Variants in HEG1 observed in about 807,000 individuals in gnomAD.
HEG1 encodes protein HEG homolog 1.
A neutral mutation model predicts 125.6 loss-of-function variants in HEG1; 56 were observed. The observed-to-expected ratio is 0.45, with a 90% CI of 0.36 to 0.56. HEG1 has a LOEUF of 0.56. Ranked by LOEUF, HEG1 falls within the 20% of genes least tolerant of loss-of-function variation. The pLI, the probability that HEG1 is intolerant of heterozygous loss-of-function variation, is 0.00. For synonymous variants in HEG1, 644 were observed against 668.5 expected (o/e 0.96, Z 0.57); for missense variants, 1,523 against 1,670.0 (o/e 0.91, Z 1.53).
chr3:125,018,771 T>A (rs984710820), intron 5 of HEG1, among the ~76,000 whole-genome samples: 4 of 150,954 alleles, frequency 2.6e-5, no homozygotes, highest in African/African-American at 9.8e-5. Flanking sequence ...CTGGGGGATA[T>A]ATAGGTGTAT....
chr3:125,044,017 G>C (rs963880584), intron 1 of HEG1, among the ~76,000 whole-genome samples: 1 of 152,274 alleles, frequency 6.6e-6, no homozygotes, highest in African/African-American at 2.4e-5. Context: ...TAATTTACTC[G>C]ACAGACCTCT....
intron 3 of HEG1, among the ~76,000 whole-genome samples, chr3:125,025,354 A>G (rs1042526924): frequency 5.3e-5 from 8 of 152,214 alleles, no homozygotes; most frequent in Admixed American, 1.3e-4. Context: ...CAGCACCCAG[A>G]GCCATCTCTA....
intron 1 of HEG1, among the ~76,000 whole-genome samples, chr3:125,053,452 T>C (rs1937860279): frequency 6.6e-6 from 1 of 152,202 alleles, no homozygotes; most frequent in Non-Finnish European, 1.5e-5. Context: ...TATGAGTAGC[T>C]TCTAGCAGCT....
chr3:124,982,363 A>G (rs1271912441), intron 14 of HEG1, among the ~76,000 whole-genome samples: 2 of 152,238 alleles, frequency 1.3e-5, no homozygotes, highest in Admixed American at 6.5e-5. Flanking sequence ...ATGGATTTGA[A>G]TAAGTGCCAA....
At chr3:125,034,964 CA>C (rs1207480943) in intron 1 of HEG1, among the ~76,000 whole-genome samples, 2 of 152,042 alleles carry the variant, frequency 1.3e-5, no homozygotes, top group African/African-American at 4.8e-5. Context: ...GAAGTGAAAA[CA>C]TTGATTTAAT....
intron 16 of HEG1, chr3:124,971,007 A>G: frequency 1.6e-6 from 1 of 627,636 alleles, no homozygotes; most frequent in East Asian, 3.0e-5. Context: ...CCCAGCAACC[A>G]TGCAGAAGGC....
chr3:125,050,707 G>T (rs1185196456), intron 1 of HEG1, among the ~76,000 whole-genome samples: 1 of 152,086 alleles, frequency 6.6e-6, no homozygotes, highest in Non-Finnish European at 1.5e-5. Context: ...TGTTCCCTGG[G>T]GGCATCACAG....
chr3:124,987,952 C>CACACACACACACATATAT lies in HEG1; in HGVS notation c.3733+2834_3733+2835insATATATGTGTGTGTGTGT. ...ACACACACACACACACACACACACA[C>CACACACACACACATATAT]ATATATATATATATATATATATACC... On this transcript the variant is annotated intron_variant, in intron 14 of 16. Coordinates refer to ENST00000311127, the MANE Select transcript of HEG1 (RefSeq NM_020733.2). 1.0e-3 allele frequency among the ~76,000 whole-genome samples: 56 copies of CACACACACACACATATAT among 54,696 alleles called. 2 individuals carry two copies. The highest frequency in any genetic ancestry group is 2.1e-3 in the African/African-American group (45 of 21,026). The allele number at this position is 54,696 out of a possible 152,430, so 35.9% of individuals were successfully genotyped here. A position where few individuals can be genotyped will look rare whatever the true frequency, so the allele number is the denominator to read the frequency against.
At chr3:125,011,946 C>T (rs1240745974) in intron 6 of HEG1, among the ~76,000 whole-genome samples, 4 of 152,166 alleles carry the variant, frequency 2.6e-5, no homozygotes, top group African/African-American at 7.2e-5. Flanking sequence ...GCAACTTCAA[C>T]GTGGCTACAA....
intron 1 of HEG1, among the ~76,000 whole-genome samples, chr3:125,055,359 T>G (rs1426967056): frequency 6.6e-6 from 1 of 151,808 alleles, no homozygotes; most frequent in African/African-American, 2.4e-5. Flanking sequence ...TTCCAAAGGG[T>G]TGGAGGAGAA....
intron 11 of HEG1, among the ~76,000 whole-genome samples, chr3:124,998,388 G>A (rs974510617): frequency 2.6e-5 from 4 of 152,198 alleles, no homozygotes; most frequent in African/African-American, 9.6e-5. Context: ...ACAAGAGACT[G>A]GTGATGAGGA....
intron 1 of HEG1, among the ~76,000 whole-genome samples, chr3:125,049,124 T>A (rs1041894986): frequency 7.9e-5 from 12 of 151,874 alleles, no homozygotes; most frequent in African/African-American, 2.9e-4. Flanking sequence ...CTTTTAGGAG[T>A]CCCACTAAAC....
rs1560011800 is a variant in HEG1 at position 124,969,936 on chromosome 3, CAA to C, written c.*714_*715del. The C allele has an allele frequency of 2.0e-5, 3 of 152,088 alleles. No homozygotes were observed. In the East Asian group the frequency reaches 5.8e-4, roughly 29 times the overall value. The allele number at this position is 152,088 out of a possible 1,614,324, so 9.4% of individuals were successfully genotyped here. On this transcript the variant is annotated 3_prime_UTR_variant, in exon 17 of 17. Coordinates refer to ENST00000311127, the MANE Select transcript of HEG1 (RefSeq NM_020733.2). ...TGTTTGAAAAAGTGAGATTTAACTG[CAA>C]AGAGATTTAAAAAAAAAATCTTAAA...
At chr3:125,027,143 C>G in intron 3 of HEG1, 62 bp downstream of exon 3, 1 of 1,405,526 alleles carries the variant, frequency 7.1e-7, no homozygotes. Context: ...GCTGGCTATG[C>G]ACATTGATTT....
chr3:124,995,552 A>G (rs144946134), intron 12 of HEG1, among the ~76,000 whole-genome samples: 9 of 152,278 alleles, frequency 5.9e-5, no homozygotes, highest in East Asian at 1.9e-4. Context: ...TCTATCCTCT[A>G]TTTATATTGA....
intron 1 of HEG1, 93 bp from the exon 2 acceptor site, chr3:125,029,581 G>A: frequency 8.0e-7 from 1 of 1,247,946 alleles, no homozygotes; most frequent in South Asian, 1.4e-5. Context: ...TACATCAGTA[G>A]AGAGTGAATT....
chr3:125,038,964 C>T (rs1386508013), intron 1 of HEG1, among the ~76,000 whole-genome samples: 1 of 152,144 alleles, frequency 6.6e-6, no homozygotes, highest in African/African-American at 2.4e-5. Context: ...CTCACCCAGG[C>T]CAGCTTCGCA....
At chr3:124,990,271 C>T (rs1206217356) in intron 14 of HEG1, among the ~76,000 whole-genome samples, 2 of 152,018 alleles carry the variant, frequency 1.3e-5, no homozygotes, top group African/African-American at 4.8e-5. Flanking sequence ...CCCTGCCCAG[C>T]CCAGACCTTG....
intron 5 of HEG1, among the ~76,000 whole-genome samples, chr3:125,017,826 C>T (rs1012217425): frequency 6.6e-6 from 1 of 151,424 alleles, no homozygotes; most frequent in African/African-American, 2.4e-5. Context: ...CGGGACCATC[C>T]TGGCTAACAT....
Sources: allele counts gnomAD v4.1 joint callset (sites outside exome capture counted in the v4.1 genomes callset), GRCh38; gene constraint gnomAD v4.1.1; transcripts MANE v1.5; gene names NCBI Gene and HGNC (gene_info 2026-07-23, HGNC 2026-07-21).